The following NDUFA10 variants were observed in gnomAD, a reference collection of about 807,000 sequenced individuals.
NDUFA10 encodes NADH:ubiquinone oxidoreductase subunit A10.
Under a neutral mutation model 47.8 loss-of-function variants are expected in NDUFA10, and 40 were observed. The ratio of observed to expected loss-of-function variants is 0.84; its 90% CI spans 0.65 to 1.09. The LOEUF (loss-of-function observed/expected upper bound fraction) is 1.09. Ranked by LOEUF, NDUFA10 falls within the 50% of genes least tolerant of loss-of-function variation. NDUFA10 has a pLI of 0.00. For missense variants in NDUFA10, 413 were observed against 451.1 expected (o/e 0.92, Z 0.76); for synonymous variants, 183 against 172.2 (o/e 1.06, Z -0.49).
chr2:239,993,109 T>C (rs1696319542), intron 8 of NDUFA10, among the ~76,000 whole-genome samples: 1 of 152,332 alleles, frequency 6.6e-6, no homozygotes, highest in Non-Finnish European at 1.5e-5. Flanking sequence ...AACGGAATGC[T>C]ATAATTGATA....
intron 9 of NDUFA10, among the ~76,000 whole-genome samples, chr2:239,988,631 A>G (rs1205640875): frequency 6.6e-6 from 1 of 152,230 alleles, no homozygotes; most frequent in Non-Finnish European, 1.5e-5. Flanking sequence ...CAACAGGAAG[A>G]AGCGAAGCCA....
chr2:239,927,558 G>A (rs1381667303), intron 4 of NDUFA10, among the ~76,000 whole-genome samples: 3 of 152,186 alleles, frequency 2.0e-5, no homozygotes, highest in Non-Finnish European at 2.9e-5. Flanking sequence ...CACAAAGCAT[G>A]ACTGTATTGC....
At chr2:239,995,195 AC>A (rs2106452374) in intron 8 of NDUFA10, among the ~76,000 whole-genome samples, 1 of 152,104 alleles carries the variant, frequency 6.6e-6, no homozygotes, top group South Asian at 2.1e-4. Flanking sequence ...AACTGCTGGA[AC>A]CCAGGAAGGG....
At position 239,960,971 on chromosome 2, in the gene NDUFA10, ATTG is replaced by A; in HGVS notation, c.*144_*146del. 6.5e-7 allele frequency: 1 copy of A among 1,538,216 alleles called. No individual in the cohort carries two copies. Among genetic ancestry groups the A allele is most frequent in the Non-Finnish European group, 8.8e-7 (1 of 1,141,754 alleles). ...CTCCATTACCTATACTACAGGATGG[ATTG>A]CTTTTTGTGAGACCCCTTCTTCCAC... On this transcript the variant is annotated 3_prime_UTR_variant, in exon 10 of 10. Transcript: ENST00000252711.
Position 240,016,776 on chromosome 2 carries a change from A to G in NDUFA10, c.547+1777T>C, listed in dbSNP as rs868171352. ...TCAGTGCTGGACCCCCAACGCCTGCAGACTCCAGCCCAGGCCAGTCCTCAG... is the reference window on the plus strand; with the variant it reads ...TCAGTGCTGGACCCCCAACGCCTGCGGACTCCAGCCCAGGCCAGTCCTCAG... On this transcript the variant is annotated intron_variant, in intron 4 of 9. Transcript: ENST00000252711. This position sits in a 1 kb window ranked among gnomAD's most constrained non-coding sequence, Gnocchi z 4.4. Among the ~76,000 whole-genome samples, 1 of 152,130 alleles carries G rather than the reference A, an allele frequency of 6.6e-6. No individual in the cohort carries two copies. The highest frequency in any genetic ancestry group is 2.4e-5 in the African/African-American group (1 of 41,422).
chr2:239,992,735 T>C (rs1482322429), intron 8 of NDUFA10, among the ~76,000 whole-genome samples: 1 of 152,118 alleles, frequency 6.6e-6, no homozygotes, highest in Non-Finnish European at 1.5e-5. Flanking sequence ...GCCAGTCAGT[T>C]AGGGATGTGG....
chr2:239,921,916 C>T (rs1693992431), intron 4 of NDUFA10, among the ~76,000 whole-genome samples: 1 of 151,632 alleles, frequency 6.6e-6, no homozygotes, highest in African/African-American at 2.4e-5. Flanking sequence ...CTCCTTTCCT[C>T]CATTTTTCTG....
At chr2:240,005,586 G>C (rs1696919758) in intron 7 of NDUFA10, among the ~76,000 whole-genome samples, 2 of 152,184 alleles carry the variant, frequency 1.3e-5, no homozygotes, top group South Asian at 4.2e-4. Context: ...CAAACTCCTG[G>C]GCTCAAGCGA....
chr2:239,993,198 C>T (rs1297821394), intron 8 of NDUFA10, among the ~76,000 whole-genome samples: 1 of 152,196 alleles, frequency 6.6e-6, no homozygotes, highest in Non-Finnish European at 1.5e-5. Flanking sequence ...GGTGCAGAAT[C>T]GAACCAACAC....
At chr2:239,897,349 T>C (rs1210688638) in intron 4 of NDUFA10, among the ~76,000 whole-genome samples, 2 of 152,222 alleles carry the variant, frequency 1.3e-5, no homozygotes, top group East Asian at 3.8e-4. Context: ...TGTGATAAAT[T>C]GATTCTTCCC....
At position 239,959,430 on chromosome 2, in the gene NDUFA10, CCT is replaced by C; in HGVS notation, c.*1686_*1687del. 1 of 985,470 alleles carries C rather than the reference CCT, an allele frequency of 1.0e-6. No individual in the cohort carries two copies. Among genetic ancestry groups the C allele is most frequent in the East Asian group, 1.1e-4 (1 of 8,820 alleles). The allele number at this position is 985,470 out of a possible 1,614,324, so 61.0% of individuals were successfully genotyped here. On this transcript the variant is annotated 3_prime_UTR_variant, in exon 10 of 10. Transcript: ENST00000252711. Reference sequence around the variant, plus strand: ...ATTAAAGATGGCTTTCTTTTTCTTTCCTCCCCTCCACAATGGGTTTGTGAAGT... The same window carrying C: ...ATTAAAGATGGCTTTCTTTTTCTTTCCCCCTCCACAATGGGTTTGTGAAGT...
chr2:239,915,886 G>A (rs1693860383), intron 4 of NDUFA10, among the ~76,000 whole-genome samples: 1 of 146,490 alleles, frequency 6.8e-6, no homozygotes. Flanking sequence ...CACACACAGA[G>A]AGACACACAG....
At chr2:239,897,900 C>T (rs1314164620) in intron 4 of NDUFA10, among the ~76,000 whole-genome samples, 2 of 152,242 alleles carry the variant, frequency 1.3e-5, no homozygotes, top group African/African-American at 4.8e-5. Flanking sequence ...CTGGGGCACA[C>T]AGCCCCTTCC....
intron 9 of NDUFA10, among the ~76,000 whole-genome samples, chr2:239,966,810 C>A (rs1695082851): frequency 6.7e-6 from 1 of 150,336 alleles, no homozygotes; most frequent in African/African-American, 2.4e-5. Flanking sequence ...GAAGGAACAT[C>A]TCTCATCTTT....
intron 9 of NDUFA10, among the ~76,000 whole-genome samples, chr2:239,971,786 T>C (rs545407028): frequency 6.6e-6 from 1 of 152,342 alleles, no homozygotes; most frequent in African/African-American, 2.4e-5. Flanking sequence ...TTGTAACTTT[T>C]AGTGTGCTAA....
At position 239,959,739 on chromosome 2, in the gene NDUFA10, G is replaced by A. The variant is rs1694771469; in HGVS notation, c.*1379C>T. 1.4e-6 allele frequency: 1 copy of A among 711,370 alleles called. No homozygotes were observed. The highest frequency in any genetic ancestry group is 2.1e-5 in the African/African-American group (1 of 48,208). 44.1% of individuals were successfully genotyped at this position (711,370 alleles called of 1,614,324 possible). A position where few individuals can be genotyped will look rare whatever the true frequency, so the allele number is the denominator to read the frequency against. ...AACAAGGACAGACGGAAGGAAGGAA[G>A]AGAAGGAGGGAAGGAAAGAGGCAGG... On this transcript the variant is annotated 3_prime_UTR_variant, in exon 10 of 10. Coordinates refer to ENST00000252711, the MANE Select transcript of NDUFA10 (RefSeq NM_004544.4).
chr2:239,945,161 G>A lies in NDUFA10; in HGVS notation c.294+44913C>T, dbSNP rs573070634. 9.7e-4 allele frequency among the ~76,000 whole-genome samples: 147 copies of A among 152,152 alleles called. No homozygotes were observed. The highest frequency in any genetic ancestry group is 3.4e-3 in the Middle Eastern group (1 of 294). On this transcript the variant is annotated intron_variant, in intron 4 of 5. Transcript: ENST00000419408. The surrounding 1 kb of genome is among the most constrained non-coding windows in gnomAD (Gnocchi z 4.6). Reference sequence around the variant, plus strand: ...CCATCAGAGCCCCGGCACCCCTCCCGCAGGAGGGCCTGACTGGGGAGGAAA... The same window carrying A: ...CCATCAGAGCCCCGGCACCCCTCCCACAGGAGGGCCTGACTGGGGAGGAAA...
At chr2:239,932,782 C>T (rs556715405) in intron 4 of NDUFA10, among the ~76,000 whole-genome samples, 52 of 152,072 alleles carry the variant, frequency 3.4e-4, no homozygotes, top group Non-Finnish European at 6.6e-4. Flanking sequence ...GGGGTTTCAC[C>T]GTGTTAGCCA....
intron 9 of NDUFA10, among the ~76,000 whole-genome samples, chr2:239,980,161 T>A (rs941206153): frequency 1.3e-5 from 2 of 151,186 alleles, no homozygotes; most frequent in African/African-American, 2.5e-5. Flanking sequence ...GGAGGTGAGC[T>A]GCATGAGGGC....
Sources: allele counts gnomAD v4.1 joint callset (sites outside exome capture counted in the v4.1 genomes callset), GRCh38; gene constraint gnomAD v4.1.1; non-coding constraint Gnocchi (gnomAD v3.1); transcripts MANE v1.5; gene names NCBI Gene and HGNC (gene_info 2026-07-23, HGNC 2026-07-21).